RBFOX1: variants seen among roughly 807,000 people sequenced by gnomAD.
The protein encoded by RBFOX1 is RNA binding protein fox-1 homolog 1.
A neutral mutation model predicts 57.7 loss-of-function variants in RBFOX1; 8 were observed. That is an observed-to-expected ratio of 0.14 (90% CI 0.08 to 0.25). The LOEUF (loss-of-function observed/expected upper bound fraction) is 0.25, where lower values mean the gene tolerates loss of function less well. Among genes scored for constraint, RBFOX1 ranks in the 10% least tolerant of loss-of-function variants. The pLI is 1.00. For missense variants in RBFOX1, 611 were observed against 548.5 expected (o/e 1.11, Z -1.14); for synonymous variants, 326 against 222.4 (o/e 1.47, Z -4.15).
At chr16:6,934,523 G>T (rs2153481103) in intron 3 of RBFOX1, among the ~76,000 whole-genome samples, 2 of 152,238 alleles carry the variant, frequency 1.3e-5, no homozygotes, top group South Asian at 4.1e-4. Context: ...GTATATGTAT[G>T]CAGTGGAGTA....
At chr16:6,644,368 G>C (rs76684708) in intron 2 of RBFOX1, among the ~76,000 whole-genome samples, 1,875 of 152,314 alleles carry the variant, frequency 0.012, 39 homozygotes, top group African/African-American at 0.043. Context: ...AATGTATCTT[G>C]TGTTAATATT....
chr16:5,578,454 A>T (rs932538982), intron 2 of RBFOX1, among the ~76,000 whole-genome samples: 1 of 152,220 alleles, frequency 6.6e-6, no homozygotes, highest in African/African-American at 2.4e-5. Flanking sequence ...CTTGGGCTCT[A>T]AAGCCCACCA....
At chr16:7,142,176 A>G (rs1457381190) in intron 4 of RBFOX1, among the ~76,000 whole-genome samples, 2 of 151,932 alleles carry the variant, frequency 1.3e-5, no homozygotes, top group African/African-American at 2.4e-5. Context: ...AGCACACACC[A>G]CCACACCTGA....
Position 7,511,907 on chromosome 16 carries a change from T to G in RBFOX1, c.28-6240T>G, listed in dbSNP as rs566949605. Among the ~76,000 whole-genome samples the G allele has an allele frequency of 2.0e-5, 3 of 152,330 alleles. No homozygotes were observed. In the East Asian group the frequency reaches 5.8e-4, roughly 29 times the overall value. ...AGATCTTGGCCTTCTTTCATCCTCC[T>G]TTTGTGTATTGAGCAACAACTCAAG... On this transcript the variant is annotated intron_variant, in intron 4 of 15. Transcript: ENST00000550418.
chr16:6,686,141 A>G (rs183063833), intron 3 of RBFOX1, among the ~76,000 whole-genome samples: 4 of 152,222 alleles, frequency 2.6e-5, no homozygotes, highest in Non-Finnish European at 5.9e-5. Context: ...TTTCTTCTAC[A>G]TATTAAGCAG....
At chr16:7,073,921 A>G (rs1016151247) in intron 4 of RBFOX1, among the ~76,000 whole-genome samples, 1 of 152,138 alleles carries the variant, frequency 6.6e-6, no homozygotes, top group Non-Finnish European at 1.5e-5. Context: ...CTGACAATCC[A>G]GAGCAGTGTT....
chr16:6,603,116 G>A (rs1171605616), intron 2 of RBFOX1, among the ~76,000 whole-genome samples: 3 of 152,190 alleles, frequency 2.0e-5, no homozygotes, highest in Non-Finnish European at 4.4e-5. Flanking sequence ...TCACCGTTGT[G>A]GTCTTAGCTG....
intron 1 of RBFOX1, among the ~76,000 whole-genome samples, chr16:5,295,415 C>T (rs1473460260): frequency 1.3e-5 from 2 of 152,218 alleles, no homozygotes; most frequent in African/African-American, 2.4e-5. Context: ...TGCACGGTTT[C>T]TGTGGGTCAG....
intron 4 of RBFOX1, among the ~76,000 whole-genome samples, chr16:5,929,033 T>TAAA (rs3041579): frequency 0.17 from 21,885 of 126,668 alleles, 2,218 homozygotes; most frequent in Non-Finnish European, 0.25. Flanking sequence ...CTTTCCAATT[T>TAAA]AAAAAAAAAA....
chr16:5,547,942 C>A (rs1236563656), intron 2 of RBFOX1, among the ~76,000 whole-genome samples: 1 of 151,744 alleles, frequency 6.6e-6, no homozygotes, highest in Non-Finnish European at 1.5e-5. Flanking sequence ...GGCAGATCCC[C>A]TGAGGTCAGG....
intron 14 of RBFOX1, among the ~76,000 whole-genome samples, chr16:7,678,390 G>C (rs2073927896): frequency 6.6e-6 from 1 of 152,052 alleles, no homozygotes; most frequent in South Asian, 2.1e-4. Flanking sequence ...AAAGGAAAAG[G>C]CCTAATGTTA....
chr16:7,640,276 T>C (rs1352648768), intron 11 of RBFOX1, among the ~76,000 whole-genome samples: 1 of 152,188 alleles, frequency 6.6e-6, no homozygotes, highest in East Asian at 1.9e-4. Flanking sequence ...TCACCCCCAG[T>C]TGTTTAAAGG....
chr16:6,275,292 C>G (rs2075679673), intron 1 of RBFOX1, among the ~76,000 whole-genome samples: 1 of 144,802 alleles, frequency 6.9e-6, no homozygotes, highest in Admixed American at 7.2e-5. Flanking sequence ...GCCTGGGCGA[C>G]AGAGTGAGAC....
chr16:6,044,889 A>G (rs2095479183), intron 1 of RBFOX1, among the ~76,000 whole-genome samples: 1 of 152,188 alleles, frequency 6.6e-6, no homozygotes, highest in African/African-American at 2.4e-5. Flanking sequence ...CTTTAGAATG[A>G]GAGTTCCCTC....
rs144076516 is a variant in RBFOX1, at chr16:6,368,987, C to G, written c.-64+51930C>G. On this transcript the variant is annotated intron_variant, in intron 2 of 15. Transcript: ENST00000550418. Reference sequence around the variant, plus strand: ...AAAAGGAACAATAGGATGTGTTATCCTCACTTGTGTAAAATTGAAAACATG... The same window carrying G: ...AAAAGGAACAATAGGATGTGTTATCGTCACTTGTGTAAAATTGAAAACATG... Among the ~76,000 whole-genome samples, 641 of 152,256 alleles carry G rather than the reference C, an allele frequency of 4.2e-3. 9 individuals carry two copies. The highest frequency in any genetic ancestry group is 0.015 in the African/African-American group (605 of 41,556).
chr16:5,696,892 T>G (rs2050861941), intron 3 of RBFOX1, among the ~76,000 whole-genome samples: 1 of 152,106 alleles, frequency 6.6e-6, no homozygotes, highest in African/African-American at 2.4e-5. Flanking sequence ...ACATATATAC[T>G]TACAGAGACA....
intron 2 of RBFOX1, among the ~76,000 whole-genome samples, chr16:6,423,712 A>T (rs769643258): frequency 3.9e-5 from 6 of 152,186 alleles, no homozygotes; most frequent in Non-Finnish European, 8.8e-5. Flanking sequence ...ATGGAGAGAC[A>T]TGCCCCAGAG....
intron 3 of RBFOX1, among the ~76,000 whole-genome samples, chr16:5,703,834 ATAT>A (rs1472750332): frequency 1.3e-5 from 2 of 152,136 alleles, no homozygotes; most frequent in Non-Finnish European, 2.9e-5. Context: ...TGATGTAGGG[ATAT>A]TATTATCTAC....
chr16:5,292,261 C>T (rs529592463), intron 1 of RBFOX1, among the ~76,000 whole-genome samples: 11 of 152,212 alleles, frequency 7.2e-5, no homozygotes, highest in African/African-American at 1.9e-4. Context: ...AGCTTGCTTT[C>T]ATTTGAAAGA....
Sources: allele counts gnomAD v4.1 joint callset (sites outside exome capture counted in the v4.1 genomes callset), GRCh38; gene constraint gnomAD v4.1.1; transcripts MANE v1.5; gene names NCBI Gene and HGNC (gene_info 2026-07-23, HGNC 2026-07-21).